Variants in GLP2R observed in about 807,000 individuals in gnomAD.
GLP2R encodes glucagon like peptide 2 receptor.
GLP2R carries 59 observed loss-of-function variants against 68.2 expected under a neutral mutation model. The ratio of observed to expected loss-of-function variants is 0.87; its 90% CI spans 0.70 to 1.07. The LOEUF is 1.07. GLP2R is among the 50% of genes least tolerant of loss of function. The pLI, the probability that GLP2R is intolerant of heterozygous loss-of-function variation, is 0.00. For synonymous variants in GLP2R, 270 were observed against 265.4 expected, an observed-to-expected ratio of 1.02 and a Z score of -0.17; for missense variants, 548 against 677.4, an observed-to-expected ratio of 0.81 and a Z score of 2.12.
At chr17:9,838,576 G>A (rs75408906) in intron 3 of GLP2R, among the ~76,000 whole-genome samples, 5,543 of 152,108 alleles carry the variant, frequency 0.036, 344 homozygotes, top group African/African-American at 0.12. Context: ...TCCACTGTAA[G>A]AGAAAATGAA....
intron 4 of GLP2R, among the ~76,000 whole-genome samples, chr17:9,850,724 C>CTCTCT (rs1555570877): frequency 0.041 from 5,723 of 140,296 alleles, 456 homozygotes; most frequent in African/African-American, 0.15. Context: ...CGGGATCTCT[C>CTCTCT]TCTCTCTCAC....
At chr17:9,869,063 A>G (rs1456539268) in intron 9 of GLP2R, among the ~76,000 whole-genome samples, 2 of 152,202 alleles carry the variant, frequency 1.3e-5, no homozygotes, top group Admixed American at 1.3e-4. Flanking sequence ...CCTCACATCC[A>G]GTCAATAACA....
intron 9 of GLP2R, among the ~76,000 whole-genome samples, chr17:9,869,864 A>G (rs1395085616): frequency 6.6e-6 from 1 of 152,112 alleles, no homozygotes; most frequent in Non-Finnish European, 1.5e-5. Context: ...AATCTAGCTC[A>G]CCTCACAAGG....
chr17:9,865,642 G>A (rs2152041833), intron 9 of GLP2R, among the ~76,000 whole-genome samples: 1 of 152,224 alleles, frequency 6.6e-6, no homozygotes, highest in East Asian at 1.9e-4. Flanking sequence ...GTGCCTGTTG[G>A]ATGGCCCCAG....
At chr17:9,882,629 T>A (rs62067562) in intron 11 of GLP2R, among the ~76,000 whole-genome samples, 31,409 of 152,116 alleles carry the variant, frequency 0.21, 4,271 homozygotes, top group Non-Finnish European at 0.31. Context: ...CCAAGTGACA[T>A]ATGGATCCAT....
rs1387145915 is a variant in GLP2R, at chr17:9,838,487, TTCTCTGCTCACTGTCTACCTGTCCC to T, written c.382+2039_382+2063del. Among the ~76,000 whole-genome samples the T allele has an allele frequency of 3.5e-4, 54 of 152,320 alleles. 1 individual carries two copies. In the Middle Eastern group the frequency reaches 0.017, roughly 48 times the overall value. On this transcript the variant is annotated intron_variant, in intron 3 of 12. Transcript: ENST00000262441. ...AGTAGCATGTGGAGCCGATCCCTAC[TTCTCTGCTCACTGTCTACCTGTCCC>T]TCTCTGCTCACTGTCTACCTGTCCC...
rs2067284157 is a variant in GLP2R at position 9,890,769 on chromosome 17, G to C, written c.*1064G>C. On this transcript the variant is annotated 3_prime_UTR_variant, in exon 13 of 13. Coordinates refer to ENST00000262441, the MANE Select transcript of GLP2R (RefSeq NM_004246.3). Reference sequence around the variant, plus strand: ...TAAATACTGAAAGCAGGAGGGCCCAGGTAAAGCAATAGGAGTTTGGCTGGA... The same window carrying C: ...TAAATACTGAAAGCAGGAGGGCCCACGTAAAGCAATAGGAGTTTGGCTGGA... 6.6e-6 allele frequency: 1 copy of C among 152,242 alleles called. No individual in the cohort carries two copies. The allele number at this position is 152,242 out of a possible 1,614,324, so 9.4% of individuals were successfully genotyped here. A position where few individuals can be genotyped will look rare whatever the true frequency, so the allele number is the denominator to read the frequency against.
chr17:9,855,817 C>A (rs1427315498), intron 5 of GLP2R, among the ~76,000 whole-genome samples: 1 of 152,208 alleles, frequency 6.6e-6, no homozygotes, highest in East Asian at 1.9e-4. Flanking sequence ...AGGATCTGAG[C>A]ACTTTCACTC....
chr17:9,867,748 A>C (rs1040981844), intron 9 of GLP2R, among the ~76,000 whole-genome samples: 1 of 152,136 alleles, frequency 6.6e-6, no homozygotes, highest in African/African-American at 2.4e-5. Context: ...TGAGCTAACA[A>C]ATTGAATGAA....
chr17:9,829,878 T>C (rs1360145874), intron 1 of GLP2R, among the ~76,000 whole-genome samples: 2 of 152,256 alleles, frequency 1.3e-5, no homozygotes, highest in East Asian at 3.8e-4. Context: ...GAAAAACAGA[T>C]TTATTTAAAG....
At position 9,885,515 on chromosome 17, in the gene GLP2R, C is replaced by T. The variant is rs116291876; in HGVS notation, c.1285-2417C>T. 2.6e-3 allele frequency among the ~76,000 whole-genome samples: 389 copies of T among 152,146 alleles called. 2 individuals carry two copies. The highest frequency in any genetic ancestry group is 9.1e-3 in the African/African-American group (376 of 41,520). ...TCATTCACATAACTAGACATTGACG[C>T]TAGCTGTTGGACAGGACCTCAGCTA... On this transcript the variant is annotated intron_variant, in intron 11 of 12. Transcript: ENST00000262441.
intron 1 of GLP2R, among the ~76,000 whole-genome samples, chr17:9,830,709 C>T (rs1036259235): frequency 3.3e-5 from 5 of 152,170 alleles, no homozygotes; most frequent in Admixed American, 2.0e-4. Flanking sequence ...TTTCCAGACA[C>T]CATGCAAACT....
intron 9 of GLP2R, among the ~76,000 whole-genome samples, chr17:9,869,726 C>A (rs9674995): frequency 0.21 from 31,473 of 152,048 alleles, 4,282 homozygotes; most frequent in Non-Finnish European, 0.31. Context: ...GAGTGAGAAA[C>A]CTAAGAGAGA....
At chr17:9,876,729 C>T (rs986523129) in intron 10 of GLP2R, among the ~76,000 whole-genome samples, 1 of 152,190 alleles carries the variant, frequency 6.6e-6, no homozygotes, top group African/African-American at 2.4e-5. Flanking sequence ...CTCAGTATGT[C>T]AAGGTGCCAT....
intron 3 of GLP2R, among the ~76,000 whole-genome samples, chr17:9,841,183 AT>A (rs139792270): frequency 0.16 from 23,336 of 144,238 alleles, 2,647 homozygotes; most frequent in East Asian, 0.56. Flanking sequence ...TGCCTAGCTA[AT>A]TTTTTTTTTT....
chr17:9,867,251 G>T (rs1427813220), intron 9 of GLP2R, among the ~76,000 whole-genome samples: 1 of 152,200 alleles, frequency 6.6e-6, no homozygotes, highest in Non-Finnish European at 1.5e-5. Flanking sequence ...CGGCTCCCTG[G>T]TGAATATCCC....
At chr17:9,882,490 G>A (rs1432323444) in intron 11 of GLP2R, among the ~76,000 whole-genome samples, 1 of 152,146 alleles carries the variant, frequency 6.6e-6, no homozygotes, top group Non-Finnish European at 1.5e-5. Context: ...CACTCAAGAA[G>A]GACCAGAAAG....
intron 10 of GLP2R, among the ~76,000 whole-genome samples, chr17:9,878,233 T>C (rs1019643883): frequency 9.2e-5 from 14 of 152,318 alleles, no homozygotes; most frequent in Admixed American, 7.8e-4. Context: ...ACGATTGCCA[T>C]GCAAGAATTT....
intron 4 of GLP2R, chr17:9,852,683 TG>T: frequency 4.6e-6 from 1 of 217,482 alleles, no homozygotes; most frequent in Non-Finnish European, 9.2e-6. Context: ...TTGGTGTTGA[TG>T]GTTTTGAGTC....
Sources: gnomAD v4.1 joint callset for allele counts (sites outside exome capture counted in the v4.1 genomes callset) on GRCh38, gnomAD v4.1.1 for gene constraint, MANE v1.5 for transcripts, NCBI Gene and HGNC (gene_info 2026-07-23, HGNC 2026-07-21) for gene names.